CNKSR2: variants seen among roughly 807,000 people sequenced by gnomAD.
CNKSR2 encodes the protein CNK homolog protein 2.
Under a neutral mutation model 84.4 loss-of-function variants are expected in CNKSR2, and 14 were observed. The observed-to-expected ratio is 0.17, with a 90% confidence interval of 0.11 to 0.26. CNKSR2 has a LOEUF of 0.26. Ranked by LOEUF, CNKSR2 falls within the 10% of genes least tolerant of loss-of-function variation. CNKSR2 has a pLI of 1.00. For missense variants in CNKSR2, 485 were observed against 771.2 expected (o/e 0.63, Z 4.40); for synonymous variants, 275 against 277.9 (o/e 0.99, Z 0.10).
At chrX:21,631,982 G>T (rs2092650144) in intron 20 of CNKSR2, among the ~76,000 whole-genome samples, 1 of 111,890 alleles carries the variant, frequency 8.9e-6, no homozygotes, top group Admixed American at 9.5e-5. Context: ...TAGAATATAT[G>T]ATATTTTGCA....
rs1247563218 is a variant in CNKSR2 at position 21,561,330 on chromosome X, T to A, written c.1304-141T>A. On this transcript the variant is annotated intron_variant, in intron 11 of 21. Transcript: ENST00000379510. ...TTTCACCTTCTGGCTCAAAACACAT[T>A]TTCTCCATCTACACAAATGCCAACC... The A allele has an allele frequency of 7.9e-6, 4 of 508,538 alleles. No homozygotes were observed. The African/African-American group carries it at 9.9e-5, about 13-fold the overall frequency. 41.9% of individuals were successfully genotyped at this position (508,538 alleles called of 1,213,427 possible).
intron 1 of CNKSR2, among the ~76,000 whole-genome samples, chrX:21,416,907 C>CATTTCAATT (rs2090430044): frequency 9.0e-6 from 1 of 111,481 alleles, no homozygotes; most frequent in Non-Finnish European, 1.9e-5. Flanking sequence ...TGTGTTGCTT[C>CATTTCAATT]ATTTCAATTT....
At chrX:21,477,775 G>T (rs2091275264) in intron 5 of CNKSR2, among the ~76,000 whole-genome samples, 1 of 111,762 alleles carries the variant, frequency 8.9e-6, no homozygotes, top group Non-Finnish European at 1.9e-5. Flanking sequence ...TTAAGTACTG[G>T]TGTAGCAGCA....
At chrX:21,562,861 A>T (rs113653817) in intron 12 of CNKSR2, among the ~76,000 whole-genome samples, 2 of 111,399 alleles carry the variant, frequency 1.8e-5, no homozygotes, top group African/African-American at 6.5e-5. Context: ...CAAAATCCCC[A>T]TGAGGGTGAT....
At chrX:21,394,905 T>C (rs2076526998) in intron 1 of CNKSR2, among the ~76,000 whole-genome samples, 1 of 111,522 alleles carries the variant, frequency 9.0e-6, no homozygotes, top group Non-Finnish European at 1.9e-5. Context: ...AACAGGCAAT[T>C]GTAAGAAACA....
intron 5 of CNKSR2, among the ~76,000 whole-genome samples, chrX:21,485,895 G>A (rs1486023157): frequency 1.8e-5 from 2 of 111,935 alleles, no homozygotes; most frequent in African/African-American, 6.5e-5. Context: ...AGAACTTTGG[G>A]AGGCCGAAGT....
intron 13 of CNKSR2, among the ~76,000 whole-genome samples, chrX:21,588,129 G>A (rs914606698): frequency 1.8e-5 from 2 of 112,177 alleles, no homozygotes; most frequent in African/African-American, 6.5e-5. Flanking sequence ...ATTGAATTGG[G>A]CATGTAGACA....
intron 9 of CNKSR2, among the ~76,000 whole-genome samples, chrX:21,521,961 A>G (rs969532796): frequency 1.8e-5 from 2 of 111,095 alleles, no homozygotes; most frequent in Non-Finnish European, 3.8e-5. Flanking sequence ...ATAATTGACT[A>G]CTTATGAAAA....
chrX:21,404,719 T>G (rs972017123), intron 1 of CNKSR2, among the ~76,000 whole-genome samples: 4 of 96,485 alleles, frequency 4.1e-5, no homozygotes, highest in Non-Finnish European at 6.0e-5. Flanking sequence ...AAGCCGGGAG[T>G]CAGAGGTTGG....
chrX:21,428,395 T>G (rs2090592260), intron 2 of CNKSR2: 1 of 112,129 alleles, frequency 8.9e-6, no homozygotes, highest in Admixed American at 9.5e-5. Context: ...AAGTTATTCC[T>G]TATGTGAATA....
intron 5 of CNKSR2, among the ~76,000 whole-genome samples, chrX:21,484,496 C>G: frequency 9.0e-6 from 1 of 111,591 alleles, no homozygotes; most frequent in Non-Finnish European, 1.9e-5. Context: ...ACTTTCACAT[C>G]ATTGTTGCCA....
intron 18 of CNKSR2, chrX:21,606,399 A>G (rs945366476): frequency 2.5e-5 from 3 of 121,067 alleles, no homozygotes; most frequent in Non-Finnish European, 3.4e-5. Context: ...GAATATCTTT[A>G]GGATAAAATG....
At chrX:21,572,502 A>T (rs2092290618) in intron 13 of CNKSR2, among the ~76,000 whole-genome samples, 1 of 112,071 alleles carries the variant, frequency 8.9e-6, no homozygotes, top group African/African-American at 3.2e-5. Flanking sequence ...TGGGTAATTT[A>T]TAAAGGAAAG....
In CNKSR2 at chrX:21,560,774, GA is replaced by G. The variant is rs746476749; in HGVS notation, c.1304-696del. On this transcript the variant is annotated intron_variant, in intron 11 of 21. Transcript: ENST00000379510. ...AAGTTATTCTTGAAGTCTTTGCCATGAGTTCTCCTTGCTGAATTAAAATGCT... is the reference window on the plus strand; with the variant it reads ...AAGTTATTCTTGAAGTCTTTGCCATGGTTCTCCTTGCTGAATTAAAATGCT... 1.1e-4 allele frequency among the ~76,000 whole-genome samples: 12 copies of G among 111,375 alleles called. No individual in the cohort carries two copies. In the South Asian group the frequency reaches 4.5e-3, roughly 42 times the overall value.
At chrX:21,543,641 T>G (rs1195852337) in intron 11 of CNKSR2, among the ~76,000 whole-genome samples, 1 of 111,995 alleles carries the variant, frequency 8.9e-6, no homozygotes, top group Non-Finnish European at 1.9e-5. Context: ...AGACTTGAAT[T>G]TGCTATCACA....
chrX:21,619,920 A>G (rs1430700791), intron 20 of CNKSR2, among the ~76,000 whole-genome samples: 1 of 111,296 alleles, frequency 9.0e-6, no homozygotes, highest in Non-Finnish European at 1.9e-5. Context: ...TGTGGCTTTA[A>G]TATAATACAT....
At chrX:21,409,241 T>TAC (rs2090307938) in intron 1 of CNKSR2, among the ~76,000 whole-genome samples, 2 of 20,766 alleles carry the variant, frequency 9.6e-5, no homozygotes, top group African/African-American at 6.7e-4. Context: ...TATATATATA[T>TAC]ATATATATAT....
chrX:21,517,562 T>C (rs1371977909), intron 9 of CNKSR2, among the ~76,000 whole-genome samples: 1 of 111,526 alleles, frequency 9.0e-6, no homozygotes, highest in Non-Finnish European at 1.9e-5. Flanking sequence ...TTGAGTTATC[T>C]TGAAAGTTAT....
intron 4 of CNKSR2, among the ~76,000 whole-genome samples, chrX:21,463,780 C>T (rs1220277392): frequency 9.0e-6 from 1 of 110,857 alleles, no homozygotes; most frequent in East Asian, 2.8e-4. Context: ...CCTGAGGACT[C>T]TGACTGGTAC....
Sources: gnomAD v4.1 joint callset for allele counts (sites outside exome capture counted in the v4.1 genomes callset) on GRCh38, gnomAD v4.1.1 for gene constraint, MANE v1.5 for transcripts, NCBI Gene and HGNC (gene_info 2026-07-23, HGNC 2026-07-21) for gene names.